The following RC3H1 variants were observed in gnomAD, a reference collection of about 807,000 sequenced individuals.
The protein encoded by RC3H1 is ring finger and CCCH-type domains 1.
RC3H1 carries 50 observed loss-of-function variants against 138.2 expected under a neutral mutation model. The ratio of observed to expected loss-of-function variants is 0.36; its 90% CI spans 0.29 to 0.46. The LOEUF is 0.46. RC3H1 is among the 20% of genes least tolerant of loss of function. The pLI, the probability that RC3H1 is intolerant of heterozygous loss-of-function variation, is 1.00. For missense variants in RC3H1, 1,031 were observed against 1,388.1 expected, an observed-to-expected ratio of 0.74 and a Z score of 4.09; for synonymous variants, 462 against 489.1, an observed-to-expected ratio of 0.94 and a Z score of 0.73.
At chr1:174,009,688 A>G (rs915157747) in intron 1 of RC3H1, among the ~76,000 whole-genome samples, 3 of 152,120 alleles carry the variant, frequency 2.0e-5, no homozygotes, top group Admixed American at 1.3e-4. Context: ...AACACAAAAA[A>G]TTAGCTGGGT....
chr1:173,955,295 C>G (rs946238293), intron 13 of RC3H1, among the ~76,000 whole-genome samples: 2 of 144,796 alleles, frequency 1.4e-5, no homozygotes, highest in African/African-American at 5.2e-5. Context: ...ACAACAACAT[C>G]ACGTTTGCAG....
chr1:174,003,046 T>C (rs76226670), intron 1 of RC3H1, among the ~76,000 whole-genome samples: 10,862 of 152,070 alleles, frequency 0.071, 1,345 homozygotes, highest in African/African-American at 0.25. Flanking sequence ...ACCAAACCTT[T>C]TGTTCTCTTT....
chr1:173,972,479 T>G, intron 8 of RC3H1, 30 bp downstream of exon 8: 2 of 1,510,644 alleles, frequency 1.3e-6, no homozygotes, highest in South Asian at 2.3e-5. Flanking sequence ...CCACAGTGGG[T>G]TAACTCTAAG....
chr1:173,944,426 G>A (rs1253683322), intron 17 of RC3H1, among the ~76,000 whole-genome samples: 2 of 152,146 alleles, frequency 1.3e-5, no homozygotes, highest in Non-Finnish European at 2.9e-5. Flanking sequence ...CATGTGGTGG[G>A]GGGAAAGCGG....
chr1:173,961,791 G>T lies in RC3H1; in HGVS notation c.2136C>A (p.Tyr712Ter). 1 of 1,613,346 alleles carries T rather than the reference G, an allele frequency of 6.2e-7. No homozygotes were observed. Among genetic ancestry groups the T allele is most frequent in the Non-Finnish European group, 8.5e-7 (1 of 1,179,962 alleles). Reference sequence around the variant, plus strand: ...CTGGATAGTAACTCTCGATCTGTTGGTATCTTTCTCTGGATTCTGGTACAT... The same window carrying T: ...CTGGATAGTAACTCTCGATCTGTTGTTATCTTTCTCTGGATTCTGGTACAT... ...PSYVPESRER[Y>*]QQIESYYPVA... Residue 712 changes from tyrosine (Y) to a stop codon, truncating the protein, a stop_gained, in exon 12 of 20, where the codon TAC becomes TAA. Transcript: ENST00000367696. LOFTEE classifies it high-confidence loss of function.
At chr1:174,004,905 T>A (rs1191977827) in intron 1 of RC3H1, among the ~76,000 whole-genome samples, 2 of 151,572 alleles carry the variant, frequency 1.3e-5, no homozygotes, top group Non-Finnish European at 2.9e-5. Context: ...CCCAAAAGCT[T>A]TTTTTTAGAG....
chr1:173,967,131 T>C (rs1304183390), intron 9 of RC3H1, among the ~76,000 whole-genome samples: 6 of 152,006 alleles, frequency 3.9e-5, no homozygotes, highest in Admixed American at 2.6e-4. Context: ...AAGAACAGCC[T>C]GGGAAACATG....
intron 1 of RC3H1, among the ~76,000 whole-genome samples, chr1:173,994,022 G>GAAAA (rs372280833): frequency 2.1e-4 from 10 of 46,932 alleles, no homozygotes; most frequent in Admixed American, 3.2e-4. Context: ...CTCCATCTCA[G>GAAAA]AAAAAAAAAA....
At chr1:173,994,024 A>G (rs1185290770) in intron 1 of RC3H1, among the ~76,000 whole-genome samples, 12 of 68,166 alleles carry the variant, frequency 1.8e-4, no homozygotes, top group Admixed American at 5.3e-4. Context: ...CCATCTCAGA[A>G]AAAAAAAAAA....
intron 19 of RC3H1, 73 bp downstream of exon 19, chr1:173,941,192 T>C: frequency 2.4e-6 from 2 of 837,932 alleles, no homozygotes. Flanking sequence ...GTATTTCTGA[T>C]ATGACTGGAT....
chr1:174,015,444 C>A (rs1040364561), intron 1 of RC3H1, among the ~76,000 whole-genome samples: 7 of 151,540 alleles, frequency 4.6e-5, no homozygotes, highest in African/African-American at 1.7e-4. Context: ...CTCACTGCAA[C>A]CTCCTCCGCC....
chr1:174,019,055 A>C (rs1436907064), intron 1 of RC3H1, among the ~76,000 whole-genome samples: 1 of 152,234 alleles, frequency 6.6e-6, no homozygotes, highest in Non-Finnish European at 1.5e-5. Context: ...ATTATTTAAA[A>C]AAATTTATAA....
rs2103004935 is a variant in RC3H1 at position 173,980,929 on chromosome 1, A to G, written c.849T>C (p.His283=). 6.2e-7 allele frequency: 1 copy of G among 1,614,076 alleles called. No homozygotes were observed. The highest frequency in any genetic ancestry group is 8.5e-7 in the Non-Finnish European group (1 of 1,179,936). The part of the protein sequence containing the change: ...FRTYEALRRE[H]DSQIVQIAME... ...TAGCAATCTGCACTATCTGGGAGTC[A>G]TGTTCTCGCCGCAGAGCTTCATAGG... is the stretch of plus-strand genomic sequence containing the variant. Residue 283 remains histidine (H), a synonymous_variant, in exon 6 of 20, where the codon CAT becomes CAC. Transcript: ENST00000367696.
At chr1:174,019,136 G>A (rs1032512589) in intron 1 of RC3H1, among the ~76,000 whole-genome samples, 2 of 152,152 alleles carry the variant, frequency 1.3e-5, no homozygotes, top group Non-Finnish European at 2.9e-5. Context: ...ACAGCAGTAT[G>A]ATAAATCTGT....
chr1:173,962,646 A>T (rs1011711641), intron 11 of RC3H1, among the ~76,000 whole-genome samples: 1 of 152,212 alleles, frequency 6.6e-6, no homozygotes, highest in Non-Finnish European at 1.5e-5. Context: ...TTCTACTTCT[A>T]CTGCTTCTTC....
chr1:174,003,051 C>G (rs909271182), intron 1 of RC3H1, among the ~76,000 whole-genome samples: 1 of 152,060 alleles, frequency 6.6e-6, no homozygotes, highest in Admixed American at 6.6e-5. Context: ...ACCTTTTGTT[C>G]TCTTTGTCAG....
intron 1 of RC3H1, among the ~76,000 whole-genome samples, chr1:174,004,749 C>CG (rs950460057): frequency 1.3e-5 from 2 of 151,652 alleles, no homozygotes; most frequent in African/African-American, 2.4e-5. Context: ...ACCCAGGAGG[C>CG]GGAAGTTGCA....
At chr1:173,963,944 A>T (rs1286858882) in intron 11 of RC3H1, 29 bp downstream of exon 11, 1 of 1,576,562 alleles carries the variant, frequency 6.3e-7, no homozygotes, top group African/African-American at 1.3e-5. Context: ...TCCTAAGAAA[A>T]GTTAGCAATA....
At chr1:174,013,131 C>T (rs1661797745) in intron 1 of RC3H1, among the ~76,000 whole-genome samples, 1 of 151,928 alleles carries the variant, frequency 6.6e-6, no homozygotes, top group Non-Finnish European at 1.5e-5. Context: ...AATAATGGTT[C>T]TTTGGGGGAG....
Sources: allele counts gnomAD v4.1 joint callset (sites outside exome capture counted in the v4.1 genomes callset), GRCh38; gene constraint gnomAD v4.1.1; transcripts MANE v1.5; gene names NCBI Gene and HGNC (gene_info 2026-07-23, HGNC 2026-07-21).